Variants in AGAP1 observed in about 807,000 individuals in gnomAD.
AGAP1 encodes the protein arf-GAP with GTPase, ANK repeat and PH domain-containing protein 1.
Under a neutral mutation model 105.3 loss-of-function variants are expected in AGAP1, and 29 were observed. The ratio of observed to expected loss-of-function variants is 0.28; its 90% CI spans 0.21 to 0.38. The LOEUF (loss-of-function observed/expected upper bound fraction) is 0.38, where lower values mean the gene tolerates loss of function less well. AGAP1 is among the 10% of genes least tolerant of loss of function. The probability of loss-of-function intolerance (pLI) is 1.00; values close to 1 mark genes in which losing one functional copy is unlikely to be tolerated. For synonymous variants in AGAP1, 509 were observed against 485.9 expected, an observed-to-expected ratio of 1.05 and a Z score of -0.63; for missense variants, 998 against 1,165.1, an observed-to-expected ratio of 0.86 and a Z score of 2.09.
chr2:235,856,830 G>T (rs1427530970), intron 9 of AGAP1, among the ~76,000 whole-genome samples: 1 of 152,240 alleles, frequency 6.6e-6, no homozygotes, highest in Admixed American at 6.5e-5. Flanking sequence ...TTGACACTCA[G>T]ACCTGAAGGC....
At position 235,994,127 on chromosome 2, in the gene AGAP1, A is replaced by C. The variant is rs1472092767; in HGVS notation, c.1645+25504A>C. 1.3e-5 allele frequency among the ~76,000 whole-genome samples: 2 copies of C among 151,998 alleles called. No homozygotes were observed. Among genetic ancestry groups the C allele is most frequent in the East Asian group, 3.9e-4 (2 of 5,162 alleles). On this transcript the variant is annotated intron_variant, in intron 13 of 17. Coordinates refer to ENST00000304032, the MANE Select transcript of AGAP1 (RefSeq NM_001037131.3). The surrounding 1 kb of genome is among the most constrained non-coding windows in gnomAD (Gnocchi z 4.4). ...CTAGAATATCATGCCCAGGTTAGGC[A>C]CTCTTTCTGTATTCCCCAAAGCTTC...
At position 236,129,447 on chromosome 2, in the gene AGAP1, C is replaced by A. The variant is rs2060053707; in HGVS notation, c.*5325C>A. On this transcript the variant is annotated 3_prime_UTR_variant, in exon 18 of 18. Coordinates refer to ENST00000304032, the MANE Select transcript of AGAP1 (RefSeq NM_001037131.3). This position sits in a 1 kb window ranked among gnomAD's most constrained non-coding sequence, Gnocchi z 6.2. Reference sequence around the variant, plus strand: ...TAGAGTACACCTTGGAGCTGGATCACTAAGAAACAGTCCTCAGACTGGTCC... The same window carrying A: ...TAGAGTACACCTTGGAGCTGGATCAATAAGAAACAGTCCTCAGACTGGTCC... 2 of 152,218 alleles carry A rather than the reference C, an allele frequency of 1.3e-5. No homozygotes were observed. The highest frequency in any genetic ancestry group is 2.9e-5 in the Non-Finnish European group (2 of 68,046). The allele number at this position is 152,218 out of a possible 1,614,324, so 9.4% of individuals were successfully genotyped here.
Position 236,082,907 on chromosome 2 carries a change from G to C in AGAP1, c.2114+33626G>C, listed in dbSNP as rs539352281. 1.5e-4 allele frequency among the ~76,000 whole-genome samples: 23 copies of C among 151,680 alleles called. No homozygotes were observed. In the South Asian group the frequency reaches 4.6e-3, roughly 30 times the overall value. On this transcript the variant is annotated intron_variant, in intron 16 of 17. Transcript: ENST00000304032. The surrounding 1 kb of genome is among the most constrained non-coding windows in gnomAD (Gnocchi z 4.2). ...ACAATGGCTCACGCCTGTAATCCCA[G>C]CACTCTGGGAGGCCGAGGTGGCCGG... is the stretch of plus-strand genomic sequence containing the variant.
intron 1 of AGAP1, among the ~76,000 whole-genome samples, chr2:235,597,395 T>C (rs2149225249): frequency 6.6e-6 from 1 of 152,296 alleles, no homozygotes; most frequent in South Asian, 2.1e-4. Flanking sequence ...CCTTGGCCCC[T>C]CCAGGGCCAC....
chr2:235,755,429 C>T (rs974170835), intron 6 of AGAP1, among the ~76,000 whole-genome samples: 7 of 152,136 alleles, frequency 4.6e-5, no homozygotes, highest in Non-Finnish European at 5.9e-5. Flanking sequence ...TTCCTCTGGT[C>T]CTACGATCCC....
chr2:235,683,287 C>G (rs535140670), intron 1 of AGAP1, among the ~76,000 whole-genome samples: 10 of 152,088 alleles, frequency 6.6e-5, no homozygotes, highest in Non-Finnish European at 1.5e-4. Flanking sequence ...GCCTGGGCAA[C>G]AGAGTGAGAC....
At chr2:235,954,836 T>C (rs545693901) in intron 12 of AGAP1, among the ~76,000 whole-genome samples, 1 of 152,108 alleles carries the variant, frequency 6.6e-6, no homozygotes, top group Admixed American at 6.5e-5. Flanking sequence ...TATTTACTGC[T>C]ATTATCGCAG....
At chr2:235,730,002 A>T (rs1040190529) in intron 3 of AGAP1, among the ~76,000 whole-genome samples, 1 of 152,102 alleles carries the variant, frequency 6.6e-6, no homozygotes, top group African/African-American at 2.4e-5. Context: ...CAAATCACGT[A>T]GGATTTCTTA....
intron 13 of AGAP1, among the ~76,000 whole-genome samples, chr2:235,997,793 G>T (rs1688734273): frequency 1.3e-5 from 2 of 152,058 alleles, no homozygotes; most frequent in African/African-American, 4.8e-5. Context: ...CCTCTTAATT[G>T]TATAGTAGCT....
At chr2:235,785,964 G>A (rs1956606483) in intron 6 of AGAP1, among the ~76,000 whole-genome samples, 1 of 152,232 alleles carries the variant, frequency 6.6e-6, no homozygotes, top group Non-Finnish European at 1.5e-5. Context: ...GTGGAAGAGT[G>A]TTGAGGAGCC....
At chr2:235,679,304 A>G (rs1472565273) in intron 1 of AGAP1, among the ~76,000 whole-genome samples, 1 of 152,204 alleles carries the variant, frequency 6.6e-6, no homozygotes, top group Non-Finnish European at 1.5e-5. Context: ...GGGTTTTGCA[A>G]AAGACCTAAA....
intron 13 of AGAP1, among the ~76,000 whole-genome samples, chr2:236,010,965 T>C (rs2056490514): frequency 6.6e-6 from 1 of 152,114 alleles, no homozygotes; most frequent in Middle Eastern, 3.2e-3. Flanking sequence ...GAGAATGGCT[T>C]GAACCTGGGA....
chr2:235,767,136 C>G lies in AGAP1; in HGVS notation c.673+16648C>G, dbSNP rs968913915. ...ATCTTGGCCAGGCTGGTCTCAAACT[C>G]CTGACCTCAGGTGATCTGCCCACCT... On this transcript the variant is annotated intron_variant, in intron 6 of 17. Coordinates refer to ENST00000304032, the MANE Select transcript of AGAP1 (RefSeq NM_001037131.3). Among the ~76,000 whole-genome samples, 49 of 152,224 alleles carry G rather than the reference C, an allele frequency of 3.2e-4. 1 individual carries two copies. The highest frequency in any genetic ancestry group is 1.1e-3 in the African/African-American group (47 of 41,536).
chr2:235,702,181 C>G (rs1025898346), intron 1 of AGAP1, among the ~76,000 whole-genome samples: 4 of 152,120 alleles, frequency 2.6e-5, no homozygotes, highest in African/African-American at 9.7e-5. Context: ...GGGAGACCAT[C>G]AAGTCATTCT....
At position 235,689,358 on chromosome 2, in the gene AGAP1, A is replaced by C. The variant is rs1949627362; in HGVS notation, c.164-19821A>C. 1.3e-5 allele frequency among the ~76,000 whole-genome samples: 2 copies of C among 152,238 alleles called. No individual in the cohort carries two copies. The highest frequency in any genetic ancestry group is 2.4e-5 in the African/African-American group (1 of 41,476). ...GCCTGGAGTGAGCCTGCTGCTGTTC[A>C]TCGGCCCGTAGGGTCTCCAGCACAA... On this transcript the variant is annotated intron_variant, in intron 1 of 17. Coordinates refer to ENST00000304032, the MANE Select transcript of AGAP1 (RefSeq NM_001037131.3). The surrounding 1 kb of genome is among the most constrained non-coding windows in gnomAD (Gnocchi z 4.2).
At position 235,750,620 on chromosome 2, in the gene AGAP1, G is replaced by C. The variant is rs1953348032; in HGVS notation, c.673+132G>C. On this transcript the variant is annotated intron_variant, in intron 6 of 17. Transcript: ENST00000304032. The surrounding 1 kb of genome is among the most constrained non-coding windows in gnomAD (Gnocchi z 5.3). ...GTTGATGGGTGGGCATTAGTATCGAGAGCAGTCCATTCCAGAGGCAATTCT... is the reference window on the plus strand; with the variant it reads ...GTTGATGGGTGGGCATTAGTATCGACAGCAGTCCATTCCAGAGGCAATTCT... 1 of 1,328,490 alleles carries C rather than the reference G, an allele frequency of 7.5e-7. No homozygotes were observed. The highest frequency in any genetic ancestry group is 1.4e-5 in the African/African-American group (1 of 69,524). The allele number at this position is 1,328,490 out of a possible 1,614,324, so 82.3% of individuals were successfully genotyped here. A position where few individuals can be genotyped will look rare whatever the true frequency, so the allele number is the denominator to read the frequency against.
intron 16 of AGAP1, among the ~76,000 whole-genome samples, chr2:236,052,176 G>A (rs1449998361): frequency 9.2e-5 from 14 of 152,134 alleles, no homozygotes; most frequent in Admixed American, 8.5e-4. Context: ...CAAAGGAAAA[G>A]CCAAGTGCAA....
At chr2:235,796,298 G>A (rs553814648) in intron 6 of AGAP1, among the ~76,000 whole-genome samples, 1 of 152,190 alleles carries the variant, frequency 6.6e-6, no homozygotes, top group African/African-American at 2.4e-5. Flanking sequence ...TGAAATCTTA[G>A]ATTTTATTTT....
At chr2:235,809,725 A>ATCACT (rs1958030852) in intron 9 of AGAP1, among the ~76,000 whole-genome samples, 1 of 152,198 alleles carries the variant, frequency 6.6e-6, no homozygotes, top group Non-Finnish European at 1.5e-5. Context: ...AGGAACATAG[A>ATCACT]TCACTTCAGG....
Sources: gnomAD v4.1 joint callset for allele counts (sites outside exome capture counted in the v4.1 genomes callset) on GRCh38, gnomAD v4.1.1 for gene constraint, Gnocchi (gnomAD v3.1) non-coding constraint, MANE v1.5 for transcripts, NCBI Gene and HGNC (gene_info 2026-07-23, HGNC 2026-07-21) for gene names.